The following IRAG2 variants were observed in gnomAD, a reference collection of about 807,000 sequenced individuals.
IRAG2 encodes the protein lymphoid restricted membrane protein.
In IRAG2, 45 loss-of-function variants were observed where a neutral mutation model predicts 69.9. The observed-to-expected ratio is 0.64, with a 90% CI of 0.51 to 0.83. The LOEUF is 0.83. IRAG2 is among the 40% of genes least tolerant of loss of function. The probability of loss-of-function intolerance (pLI) is 0.00; values close to 1 mark genes in which losing one functional copy is unlikely to be tolerated. For synonymous variants in IRAG2, 193 were observed against 202.4 expected (o/e 0.95, Z 0.40); for missense variants, 520 against 587.0 (o/e 0.89, Z 1.18).
intron 3 of IRAG2, 135 bp from the exon 4 acceptor site, chr12:25,063,584 TA>T: frequency 2.5e-6 from 1 of 396,014 alleles, no homozygotes; most frequent in Non-Finnish European, 4.4e-6. Context: ...TGACAGAATT[TA>T]TTTTCTTCTT....
At chr12:24,998,178 C>T in the IRAG2 span, among the ~76,000 whole-genome samples, 1 of 152,198 alleles carries the variant, frequency 6.6e-6, no homozygotes, top group African/African-American at 2.4e-5. Flanking sequence ...ATGTGTCACT[C>T]TGCTATTTTA....
At chr12:25,025,632 C>T (rs1453176478) in intron 8 of IRAG2, among the ~76,000 whole-genome samples, 2 of 152,136 alleles carry the variant, frequency 1.3e-5, no homozygotes, top group East Asian at 3.8e-4. Context: ...GTTTAGAATC[C>T]ATTGTAGCGG....
chr12:25,095,820 GTCTGT>G (rs1948383664), intron 14 of IRAG2, among the ~76,000 whole-genome samples: 1 of 152,128 alleles, frequency 6.6e-6, no homozygotes, highest in Non-Finnish European at 1.5e-5. Flanking sequence ...CTAGTTATAG[GTCTGT>G]TCAGATTCTC....
rs962101139 is a variant in IRAG2 at position 25,101,956 on chromosome 12, C to G, written c.890-242C>G. ...TCTCCAGCAGACACACATGTAGTGCCTACCCTGTGCTAGCTAGGCATTATG... is the reference window on the plus strand; with the variant it reads ...TCTCCAGCAGACACACATGTAGTGCGTACCCTGTGCTAGCTAGGCATTATG... On this transcript the variant is annotated intron_variant, in intron 16 of 21. Coordinates refer to ENST00000556887, the MANE Select transcript of IRAG2 (RefSeq NM_001366544.2). 1.7e-5 allele frequency: 11 copies of G among 664,978 alleles called. No homozygotes were observed. The East Asian group carries it at 3.2e-4, about 20-fold the overall frequency. 41.2% of individuals were successfully genotyped at this position (664,978 alleles called of 1,614,324 possible).
At chr12:25,047,789 C>A (rs552869084), upstream of IRAG2, among the ~76,000 whole-genome samples, 6 of 152,264 alleles carry the variant, frequency 3.9e-5, no homozygotes, top group African/African-American at 9.6e-5. Flanking sequence ...AAGGACGTGA[C>A]CTTGTTCCTT....
rs751060651 is a variant in IRAG2 at position 25,079,300 on chromosome 12, T to C, written c.71+10T>C. 1 of 1,613,892 alleles carries C rather than the reference T, an allele frequency of 6.2e-7. No homozygotes were observed. Among genetic ancestry groups the C allele is most frequent in the Non-Finnish European group, 8.5e-7 (1 of 1,179,854 alleles). On this transcript the variant is annotated intron_variant, in intron 7 of 21. Coordinates refer to ENST00000556887, the MANE Select transcript of IRAG2 (RefSeq NM_001366544.2). ...GCCTGCTGCAGTCCAGGTTTGCTTG[T>C]TTGTGTTGTGTGTGTGAATTTGTAT...
chr12:25,018,659 T>A (rs1200006666), intron 6 of IRAG2, among the ~76,000 whole-genome samples: 2 of 152,234 alleles, frequency 1.3e-5, no homozygotes, highest in South Asian at 2.1e-4. Context: ...AAATTCAAAG[T>A]TTCTTTAACA....
At chr12:25,084,077 A>G (rs972812687) in intron 10 of IRAG2, among the ~76,000 whole-genome samples, 1 of 152,216 alleles carries the variant, frequency 6.6e-6, no homozygotes, top group African/African-American at 2.4e-5. Flanking sequence ...AAAAGAGTTA[A>G]ATTCCTTCCT....
chr12:25,045,720 T>C (rs1944787233), intron 16 of IRAG2, among the ~76,000 whole-genome samples: 1 of 151,590 alleles, frequency 6.6e-6, no homozygotes, highest in African/African-American at 2.4e-5. Context: ...AGTAAGGAGA[T>C]TGTCTCAGTA....
chr12:25,019,865 A>G (rs558567133), intron 6 of IRAG2, among the ~76,000 whole-genome samples: 27 of 152,158 alleles, frequency 1.8e-4, no homozygotes, highest in Non-Finnish European at 2.6e-4. Flanking sequence ...TAGAATACCT[A>G]CTGTAGAACA....
intron 9 of IRAG2, among the ~76,000 whole-genome samples, chr12:25,027,582 G>T (rs1451199737): frequency 1.3e-5 from 2 of 151,742 alleles, no homozygotes; most frequent in Non-Finnish European, 2.9e-5. Context: ...TTTTAGTAGA[G>T]ACCGGGTTTC....
At position 25,105,593 on chromosome 12, in the gene IRAG2, A is replaced by G. The variant is rs555314778; in HGVS notation, c.1148+1131A>G. 2.7e-3 allele frequency among the ~76,000 whole-genome samples: 403 copies of G among 152,074 alleles called. 2 individuals are homozygous for G. Among genetic ancestry groups the G allele is most frequent in the African/African-American group, 9.0e-3 (372 of 41,520 alleles). On this transcript the variant is annotated intron_variant, in intron 20 of 21. Transcript: ENST00000556887. The stretch of plus-strand genomic sequence containing the variant: ...CCTGGGAGCCTACTGCATGTGTTAC[A>G]AACTCTTTTCAGATTTAGAGTTAAC...
Position 25,089,770 on chromosome 12 carries a change from G to A in IRAG2, c.445G>A (p.Ala149Thr). The change falls in exon 13 of 22, where the codon GCT becomes ACT. Residue 149 changes from alanine to threonine, a missense_variant. Coordinates refer to ENST00000556887, the MANE Select transcript of IRAG2 (RefSeq NM_001366544.2). ...TTTTGTCTTATCCTACAGCACTTCT[G>A]CTAATGAGAAGGAGGTGGAGGTGAG... ...VNLRQSENTS[A>T]NEKEVEAEFL... 3 of 1,613,302 alleles carry A rather than the reference G, an allele frequency of 1.9e-6. No homozygotes were observed. Among genetic ancestry groups the A allele is most frequent in the Non-Finnish European group, 2.5e-6 (3 of 1,179,980 alleles).
chr12:25,035,330 C>T, intron 13 of IRAG2: 1 of 180,758 alleles, frequency 5.5e-6, no homozygotes, highest in Non-Finnish European at 1.1e-5. Flanking sequence ...TGGAGCAGCC[C>T]TTCTCCATCA....
intron 11 of IRAG2, among the ~76,000 whole-genome samples, 187 bp downstream of exon 11, chr12:25,088,344 CTG>C (rs1392572064): frequency 3.3e-5 from 5 of 152,204 alleles, no homozygotes; most frequent in African/African-American, 4.8e-5. Flanking sequence ...ATTGTGTTGA[CTG>C]TGCGATCCCA....
At chr12:25,107,639 G>A (rs2140292652) in intron 21 of IRAG2, among the ~76,000 whole-genome samples, 178 bp from the exon 22 acceptor site, 1 of 152,358 alleles carries the variant, frequency 6.6e-6, no homozygotes, top group South Asian at 2.1e-4. Context: ...AATCCTAATA[G>A]GTACAAAGGG....
intron 12 of IRAG2, among the ~76,000 whole-genome samples, chr12:25,033,596 C>T (rs928537446): frequency 6.6e-6 from 1 of 152,176 alleles, no homozygotes; most frequent in African/African-American, 2.4e-5. Flanking sequence ...GTGACATTTT[C>T]TGATTTTTAA....
At chr12:25,032,048 T>C (rs1944672292) in intron 10 of IRAG2, 1 of 397,490 alleles carries the variant, frequency 2.5e-6, no homozygotes, top group Non-Finnish European at 4.4e-6. Context: ...ATTGGGCATT[T>C]ACAATTTTTC....
At chr12:25,084,879 A>G (rs919661088) in intron 10 of IRAG2, among the ~76,000 whole-genome samples, 1 of 152,238 alleles carries the variant, frequency 6.6e-6, no homozygotes, top group Non-Finnish European at 1.5e-5. Flanking sequence ...TAGTATTTGC[A>G]TATAACCTAA....
Sources: gnomAD v4.1 joint callset for allele counts (sites outside exome capture counted in the v4.1 genomes callset) on GRCh38, gnomAD v4.1.1 for gene constraint, MANE v1.5 for transcripts, NCBI Gene and HGNC (gene_info 2026-07-23, HGNC 2026-07-21) for gene names.